The following SPAG1 variants were observed in gnomAD, a reference collection of about 807,000 sequenced individuals.
SPAG1 encodes sperm-associated antigen 1.
A neutral mutation model predicts 100.5 loss-of-function variants in SPAG1; 69 were observed. The ratio of observed to expected loss-of-function variants is 0.69; its 90% confidence interval spans 0.57 to 0.84. The LOEUF is 0.84. Ranked by LOEUF, SPAG1 falls within the 40% of genes least tolerant of loss-of-function variation. The probability of loss-of-function intolerance (pLI) is 0.00; values close to 1 mark genes in which losing one functional copy is unlikely to be tolerated. For missense variants in SPAG1, 955 were observed against 1,133.1 expected, an observed-to-expected ratio of 0.84 and a Z score of 2.26; for synonymous variants, 336 against 411.6, an observed-to-expected ratio of 0.82 and a Z score of 2.22.
chr8:100,165,413 A>G (rs1815503479), intron 2 of SPAG1: 1 of 450,810 alleles, frequency 2.2e-6, no homozygotes, highest in Non-Finnish European at 4.4e-6. Flanking sequence ...TTTCAGGAAC[A>G]GAGTACTTTG....
chr8:100,192,359 T>G (rs1816851484), intron 9 of SPAG1, among the ~76,000 whole-genome samples: 1 of 152,180 alleles, frequency 6.6e-6, no homozygotes, highest in Non-Finnish European at 1.5e-5. Flanking sequence ...TCTTTTATGA[T>G]GGGATATAAG....
intron 3 of SPAG1, among the ~76,000 whole-genome samples, chr8:100,166,384 G>A (rs899279534): frequency 4.0e-5 from 6 of 151,700 alleles, no homozygotes; most frequent in African/African-American, 1.5e-4. Flanking sequence ...TCAGCCTCCC[G>A]AGCAGCTGGG....
At position 100,231,216 on chromosome 8, in the gene SPAG1, A is replaced by G. The variant is rs932535649; in HGVS notation, c.1916A>G (p.Tyr639Cys). The G allele has an allele frequency of 3.1e-6, 5 of 1,607,782 alleles. No individual in the cohort carries two copies. The South Asian group carries it at 4.4e-5, about 14-fold the overall frequency. Residue 639 changes from tyrosine to cysteine, a missense_variant, in exon 15 of 19, where the codon TAT becomes TGT. By Grantham distance (194) the Tyr-to-Cys change is radical. Transcript: ENST00000388798. ...AATCAATGTGTAAATGACAAAAACT[A>G]TAAAGACGCCCTCAGTAAATACAGC... ...EGNQCVNDKN[Y>C]KDALSKYSEC...
intron 17 of SPAG1, 100 bp from the exon 18 acceptor site, chr8:100,240,303 T>A (rs1227076315): frequency 1.7e-6 from 2 of 1,164,002 alleles, no homozygotes; most frequent in African/African-American, 3.1e-5. Flanking sequence ...TACAGTACAG[T>A]CTACTTGTAG....
chr8:100,158,443 C>A (rs1815158049), upstream of SPAG1: 1 of 152,210 alleles, frequency 6.6e-6, no homozygotes, highest in African/African-American at 2.4e-5. Flanking sequence ...TCCCCAGTCC[C>A]GGCAGGTCCT....
chr8:100,231,302 A>C lies in SPAG1; in HGVS notation c.1988+14A>C. On this transcript the variant is annotated intron_variant, in intron 15 of 18. Transcript: ENST00000388798. Reference sequence around the variant, plus strand: ...ATATACAAACAGGCAAGTTCTTTGTAACTTTATATATTTCTTATGTTAATA... The same window carrying C: ...ATATACAAACAGGCAAGTTCTTTGTCACTTTATATATTTCTTATGTTAATA... The C allele has an allele frequency of 6.9e-7, 1 of 1,452,416 alleles. No individual in the cohort carries two copies. The highest frequency in any genetic ancestry group is 2.1e-5 in the Admixed American group (1 of 47,646). 90.0% of individuals were successfully genotyped at this position (1,452,416 alleles called of 1,614,324 possible).
At chr8:100,218,514 T>C (rs984142727) in intron 12 of SPAG1, among the ~76,000 whole-genome samples, 4 of 152,234 alleles carry the variant, frequency 2.6e-5, no homozygotes, top group Non-Finnish European at 5.9e-5. Flanking sequence ...AAGGCAGTGG[T>C]ACAGGTGACA....
At chr8:100,190,444 G>A (rs915779110) in intron 8 of SPAG1, among the ~76,000 whole-genome samples, 3 of 151,866 alleles carry the variant, frequency 2.0e-5, no homozygotes, top group Admixed American at 1.3e-4. Context: ...TTCATTGTCA[G>A]TATTAAATAA....
rs562608453 is a variant in SPAG1 at position 100,227,872 on chromosome 8, G to T, written c.1855+2533G>T. Among the ~76,000 whole-genome samples, 186 of 116,182 alleles carry T rather than the reference G, an allele frequency of 1.6e-3. 8 individuals are homozygous for T. In the South Asian group the frequency reaches 0.048, roughly 30 times the overall value. 76.2% of individuals were successfully genotyped at this position (116,182 alleles called of 152,430 possible). On this transcript the variant is annotated intron_variant, in intron 14 of 18. Coordinates refer to ENST00000388798, the MANE Select transcript of SPAG1 (RefSeq NM_003114.5). Reference sequence around the variant, plus strand: ...TTTTTTTTTTTTTTTTTTGAGACAGGATCTTGCTCTGTTGCGCAGGCTGGG... The same window carrying T: ...TTTTTTTTTTTTTTTTTTGAGACAGTATCTTGCTCTGTTGCGCAGGCTGGG...
At chr8:100,209,820 T>C (rs916265504) in intron 10 of SPAG1, among the ~76,000 whole-genome samples, 23 of 152,130 alleles carry the variant, frequency 1.5e-4, no homozygotes, top group Non-Finnish European at 1.9e-4. Context: ...ACACTGATTT[T>C]GGCTTGTTGA....
intron 3 of SPAG1, among the ~76,000 whole-genome samples, chr8:100,176,353 C>CT (rs967886344): frequency 3.4e-4 from 49 of 145,324 alleles, no homozygotes; most frequent in Admixed American, 6.2e-4. Context: ...GAATGTCTTT[C>CT]TTTTTTTTTT....
rs187924881 is a variant in SPAG1, at chr8:100,190,744, A to C, written c.833-646A>C. On this transcript the variant is annotated intron_variant, in intron 8 of 18. Coordinates refer to ENST00000388798, the MANE Select transcript of SPAG1 (RefSeq NM_003114.5). Reference sequence around the variant, plus strand: ...CAGTGGCACAATCTTGGCTCACTGGAACCTCCACCTCCCAGGCTCAAACAA... The same window carrying C: ...CAGTGGCACAATCTTGGCTCACTGGCACCTCCACCTCCCAGGCTCAAACAA... 1.5e-4 allele frequency among the ~76,000 whole-genome samples: 22 copies of C among 141,984 alleles called. No individual in the cohort carries two copies. In the Admixed American group the frequency reaches 1.6e-3, roughly 10 times the overall value. The allele number at this position is 141,984 out of a possible 152,430, so 93.1% of individuals were successfully genotyped here.
chr8:100,223,910 CTG>C (rs1394465667), intron 13 of SPAG1, among the ~76,000 whole-genome samples: 3 of 151,832 alleles, frequency 2.0e-5, no homozygotes, highest in Non-Finnish European at 2.9e-5. Flanking sequence ...GTTTAAGAAA[CTG>C]TAGGGAAATT....
At chr8:100,223,515 A>G (rs948105372) in intron 13 of SPAG1, among the ~76,000 whole-genome samples, 11 of 151,620 alleles carry the variant, frequency 7.3e-5, no homozygotes, top group African/African-American at 2.4e-4. Context: ...CTTATTTGTG[A>G]ATCCCACATT....
rs1450067743 is a variant in SPAG1 at position 100,179,076 on chromosome 8, A to C, written c.426+1135A>C. ...TCTCCTCTGTCTCAAAAAAAAAAAA[A>C]AAACCACAAAAACAAACAAAAAAAC... is the stretch of plus-strand genomic sequence containing the variant. On this transcript the variant is annotated intron_variant, in intron 4 of 18. Coordinates refer to ENST00000388798, the MANE Select transcript of SPAG1 (RefSeq NM_003114.5). 2.7e-5 allele frequency among the ~76,000 whole-genome samples: 4 copies of C among 150,410 alleles called. No individual in the cohort carries two copies. The South Asian group carries it at 6.3e-4, about 24-fold the overall frequency.
chr8:100,214,805 G>T (rs1201379875), intron 12 of SPAG1, among the ~76,000 whole-genome samples: 10 of 151,490 alleles, frequency 6.6e-5, no homozygotes, highest in Non-Finnish European at 1.5e-4. Context: ...CATGATGAAA[G>T]CTAGTCTCTA....
Position 100,225,276 on chromosome 8 carries a change from G to C in SPAG1, c.1792G>C (p.Ala598Pro). Residue 598 changes from alanine (A) to proline (P), a missense_variant, in exon 14 of 19, where the codon GCA becomes CCA. By Grantham distance (27) the Ala-to-Pro change is conservative. Transcript: ENST00000388798. Reference protein sequence around the residue: ...ASVPLQAWHPAKEMISKQAGD... With the variant: ...ASVPLQAWHPPKEMISKQAGD... ...TGTGCCACTGCAAGCTTGGCATCCG[G>C]CAAAAGAGATGATCTCAAAACAAGC... The C allele has an allele frequency of 1.2e-6, 2 of 1,613,862 alleles. No homozygotes were observed. Among genetic ancestry groups the C allele is most frequent in the Non-Finnish European group, 1.7e-6 (2 of 1,179,974 alleles).
chr8:100,187,074 T>C, intron 7 of SPAG1, 46 bp from the exon 8 acceptor site: 1 of 1,568,662 alleles, frequency 6.4e-7, no homozygotes, highest in East Asian at 2.3e-5. Context: ...TACATTCTTA[T>C]GTTTACCTTA....
At chr8:100,224,715 A>C (rs1240431910) in intron 13 of SPAG1, among the ~76,000 whole-genome samples, 1 of 152,198 alleles carries the variant, frequency 6.6e-6, no homozygotes, top group African/African-American at 2.4e-5. Context: ...CCTGTTGTCA[A>C]CCACAGTAGT....
Sources: gnomAD v4.1 joint callset for allele counts (sites outside exome capture counted in the v4.1 genomes callset) on GRCh38, gnomAD v4.1.1 for gene constraint, MANE v1.5 for transcripts, NCBI Gene and HGNC (gene_info 2026-07-23, HGNC 2026-07-21) for gene names.